The following SLC28A1 variants were observed in gnomAD, a reference collection of about 807,000 sequenced individuals.
SLC28A1 encodes the protein sodium/nucleoside cotransporter 1.
Under a neutral mutation model 74.8 loss-of-function variants are expected in SLC28A1, and 64 were observed. The observed-to-expected ratio is 0.86, with a 90% CI of 0.70 to 1.05. The LOEUF (loss-of-function observed/expected upper bound fraction) is 1.05. SLC28A1 is among the 50% of genes least tolerant of loss of function. The probability of loss-of-function intolerance (pLI) is 0.00; values close to 1 mark genes in which losing one functional copy is unlikely to be tolerated. For missense variants in SLC28A1, 828 were observed against 822.8 expected (o/e 1.01, Z -0.08); for synonymous variants, 359 against 335.0 (o/e 1.07, Z -0.78).
chr15:84,922,152 C>T (rs1341939263), intron 11 of SLC28A1, among the ~76,000 whole-genome samples: 2 of 152,122 alleles, frequency 1.3e-5, no homozygotes, highest in Non-Finnish European at 2.9e-5. Flanking sequence ...TCCATCCACA[C>T]TCCCTCCCTG....
chr15:84,935,264 A>G, intron 14 of SLC28A1, 57 bp from the exon 15 acceptor site: 4 of 1,611,288 alleles, frequency 2.5e-6, no homozygotes, highest in Non-Finnish European at 3.4e-6. Flanking sequence ...TGGTGGCTGG[A>G]GACCTAGCAG....
intron 15 of SLC28A1, among the ~76,000 whole-genome samples, chr15:84,942,846 C>G (rs577057282): frequency 1.5e-3 from 227 of 152,280 alleles, no homozygotes; most frequent in African/African-American, 5.4e-3. Context: ...ACAGGACTAA[C>G]AAAGGCTGAA....
At chr15:84,913,182 G>T (rs765010238) in intron 9 of SLC28A1, among the ~76,000 whole-genome samples, 1 of 152,160 alleles carries the variant, frequency 6.6e-6, no homozygotes, top group Non-Finnish European at 1.5e-5. Flanking sequence ...CGGTGGTACT[G>T]GTACAGTGTG....
At chr15:84,968,902 C>A in the SLC28A1 span, among the ~76,000 whole-genome samples, 1 of 152,172 alleles carries the variant, frequency 6.6e-6, no homozygotes. Context: ...CCCAGCCCAT[C>A]AGCCCGGGTA....
intron 6 of SLC28A1, among the ~76,000 whole-genome samples, chr15:84,897,541 A>G (rs1372526448): frequency 6.6e-6 from 1 of 152,276 alleles, no homozygotes; most frequent in East Asian, 1.9e-4. Flanking sequence ...GTTTCAGGGT[A>G]TATGTGATAA....
At position 84,933,136 on chromosome 15, in the gene SLC28A1, C is replaced by T. The variant is rs760711467; in HGVS notation, c.1084-9C>T. 3.7e-6 allele frequency: 6 copies of T among 1,612,846 alleles called. No individual in the cohort carries two copies. Among genetic ancestry groups the T allele is most frequent in the Non-Finnish European group, 4.2e-6 (5 of 1,179,424 alleles). ...TGTCCACCTAGAACCTGCACTCTCA[C>T]TCTTGCAGATCGATGCCACCTCGTT... On this transcript the variant is annotated splice_polypyrimidine_tract_variant and intron_variant, in intron 12 of 18. Transcript: ENST00000394573.
the SLC28A1 span, among the ~76,000 whole-genome samples, chr15:84,953,691 C>T: frequency 6.6e-6 from 1 of 152,302 alleles, no homozygotes; most frequent in South Asian, 2.1e-4. Flanking sequence ...CACTGCACTC[C>T]AGCCTGGGTG....
At chr15:84,969,216 A>G in the SLC28A1 span, among the ~76,000 whole-genome samples, 1 of 152,216 alleles carries the variant, frequency 6.6e-6, no homozygotes, top group Non-Finnish European at 1.5e-5. Context: ...GACTAGTTCC[A>G]GCAGAGATTC....
chr15:84,933,986 A>G (rs1971601733), intron 13 of SLC28A1, among the ~76,000 whole-genome samples: 2 of 152,160 alleles, frequency 1.3e-5, no homozygotes, highest in African/African-American at 4.8e-5. Context: ...AAAACAAAAC[A>G]AAAAGCCACC....
intron 1 of SLC28A1, 109 bp from the exon 2 acceptor site, chr15:84,886,563 C>T (rs1964626509): frequency 1.0e-6 from 1 of 985,456 alleles, no homozygotes; most frequent in Admixed American, 6.1e-5. Context: ...TCCTGTATCC[C>T]TGAGACCGTG....
At chr15:84,941,946 T>C (rs1414315998) in intron 15 of SLC28A1, among the ~76,000 whole-genome samples, 1 of 152,258 alleles carries the variant, frequency 6.6e-6, no homozygotes, top group Non-Finnish European at 1.5e-5. Flanking sequence ...ACCTTCTTGC[T>C]GTGTGAACTT....
At chr15:84,959,085 G>C in the SLC28A1 span, among the ~76,000 whole-genome samples, 1 of 124,550 alleles carries the variant, frequency 8.0e-6, no homozygotes, top group Non-Finnish European at 1.6e-5. Flanking sequence ...GGGTGACAGA[G>C]TGAGGCTTCA....
the SLC28A1 span, chr15:84,975,493 T>C: frequency 2.2e-6 from 1 of 456,312 alleles, no homozygotes; most frequent in Admixed American, 2.3e-5. Context: ...GTAACGTGTT[T>C]CTTGCTCTTA....
intron 15 of SLC28A1, 130 bp from the exon 16 acceptor site, chr15:84,943,315 G>A: frequency 1.4e-6 from 1 of 711,984 alleles, no homozygotes. Context: ...GGAAGCGGCA[G>A]CACAGAGGAC....
chr15:84,923,645 C>A (rs887752229), intron 11 of SLC28A1, among the ~76,000 whole-genome samples: 9 of 152,138 alleles, frequency 5.9e-5, no homozygotes, highest in African/African-American at 2.2e-4. Context: ...ATTCCTGGAA[C>A]CCCACCGAAC....
At chr15:84,909,400 C>G (rs780237725) in intron 9 of SLC28A1, among the ~76,000 whole-genome samples, 5 of 152,184 alleles carry the variant, frequency 3.3e-5, no homozygotes, top group Non-Finnish European at 5.9e-5. Flanking sequence ...ATTTACTGCA[C>G]TGCAAAATAT....
At chr15:84,888,717 G>T in intron 3 of SLC28A1, 55 bp from the exon 4 acceptor site, 9 of 1,312,676 alleles carry the variant, frequency 6.9e-6, no homozygotes, top group Non-Finnish European at 9.7e-6. Flanking sequence ...CCAGCTGTAA[G>T]TTCCTGGGGG....
At chr15:84,900,881 A>G (rs1966607374) in intron 6 of SLC28A1, among the ~76,000 whole-genome samples, 1 of 67,796 alleles carries the variant, frequency 1.5e-5, no homozygotes, top group South Asian at 1.1e-3. Context: ...CAAGGAAGGA[A>G]GGAAGGAAGG....
At chr15:84,952,971 T>C in the SLC28A1 span, among the ~76,000 whole-genome samples, 1 of 152,252 alleles carries the variant, frequency 6.6e-6, no homozygotes, top group Non-Finnish European at 1.5e-5. Flanking sequence ...CCTTCCTCAA[T>C]AAGATTCTTT....
Sources: allele counts gnomAD v4.1 joint callset (sites outside exome capture counted in the v4.1 genomes callset), GRCh38; gene constraint gnomAD v4.1.1; transcripts MANE v1.5; gene names NCBI Gene and HGNC (gene_info 2026-07-23, HGNC 2026-07-21).